The following PCSK5 variants were observed in gnomAD, a reference collection of about 807,000 sequenced individuals.
PCSK5 encodes the protein prohormone convertase 5.
PCSK5 carries 129 observed loss-of-function variants against 233.2 expected under a neutral mutation model. The ratio of observed to expected loss-of-function variants is 0.55; its 90% CI spans 0.48 to 0.64. The LOEUF (loss-of-function observed/expected upper bound fraction) is 0.64. Among genes scored for constraint, PCSK5 ranks in the 30% least tolerant of loss-of-function variants. The probability of loss-of-function intolerance (pLI) is 0.00; values close to 1 mark genes in which losing one functional copy is unlikely to be tolerated. For synonymous variants in PCSK5, 825 were observed against 879.2 expected, an observed-to-expected ratio of 0.94 and a Z score of 1.09; for missense variants, 2,076 against 2,430.1, an observed-to-expected ratio of 0.85 and a Z score of 3.06.
chr9:76,105,140 T>C lies in PCSK5; in HGVS notation c.1108-2111T>C, dbSNP rs115273260. 5.0e-3 allele frequency among the ~76,000 whole-genome samples: 766 copies of C among 152,288 alleles called. 4 individuals carry two copies. The highest frequency in any genetic ancestry group is 0.017 in the African/African-American group (723 of 41,574). On this transcript the variant is annotated intron_variant, in intron 8 of 37. Transcript: ENST00000674117. ...ATAGCTGAGAGGTAGAAGCAACCCA[T>C]GTGTCCATCAACAGATGAATGGATG... is the stretch of plus-strand genomic sequence containing the variant.
intron 5 of PCSK5, 87 bp from the exon 6 acceptor site, chr9:76,067,868 T>C (rs547657683): frequency 7.5e-5 from 78 of 1,036,248 alleles, no homozygotes; most frequent in Admixed American, 1.7e-4. Flanking sequence ...GGGTACATTC[T>C]TCACCACTCT....
At chr9:76,068,518 T>C (rs1714547796) in intron 6 of PCSK5, among the ~76,000 whole-genome samples, 1 of 152,208 alleles carries the variant, frequency 6.6e-6, no homozygotes, top group Non-Finnish European at 1.5e-5. Context: ...AAATGATATA[T>C]GGCAAAAATC....
chr9:76,134,040 C>A, intron 9 of PCSK5, 69 bp from the exon 10 acceptor site: 1 of 1,040,784 alleles, frequency 9.6e-7, no homozygotes, highest in Non-Finnish European at 1.4e-6. Context: ...TTTTAATTTG[C>A]TTGTGACTCT....
chr9:76,324,525 C>T (rs1319422752), intron 32 of PCSK5, among the ~76,000 whole-genome samples: 1 of 152,130 alleles, frequency 6.6e-6, no homozygotes, highest in East Asian at 1.9e-4. Flanking sequence ...GCCACCGCGC[C>T]CAGCCTCCCT....
At chr9:76,045,646 T>C (rs1349947846) in intron 5 of PCSK5, among the ~76,000 whole-genome samples, 1 of 152,246 alleles carries the variant, frequency 6.6e-6, no homozygotes, top group Non-Finnish European at 1.5e-5. Context: ...CAACAATGTC[T>C]CTTGACTAAT....
chr9:75,918,682 T>C lies in PCSK5; in HGVS notation c.193-13697T>C, dbSNP rs959447366. Among the ~76,000 whole-genome samples, 4 of 152,212 alleles carry C rather than the reference T, an allele frequency of 2.6e-5. No individual in the cohort carries two copies. The South Asian group carries it at 8.3e-4, about 32-fold the overall frequency. ...GTTGTGACGAAGATGGTCATGTTAGTGGAAAGCAGCACTTTACTAGAAATG... is the reference window on the plus strand; with the variant it reads ...GTTGTGACGAAGATGGTCATGTTAGCGGAAAGCAGCACTTTACTAGAAATG... On this transcript the variant is annotated intron_variant, in intron 1 of 37. Coordinates refer to ENST00000674117, the MANE Select transcript of PCSK5 (RefSeq NM_001372043.1).
chr9:76,276,039 A>T (rs1023733638), intron 24 of PCSK5, among the ~76,000 whole-genome samples: 7 of 152,096 alleles, frequency 4.6e-5, no homozygotes, highest in Non-Finnish European at 7.4e-5. Context: ...CTCTTCTCCC[A>T]TCCATCCAGG....
chr9:76,040,363 CTCTCTCTCTCTCTCTCTCTCTG>C lies in PCSK5; in HGVS notation c.632+13348_632+13369del, dbSNP rs1563988546. 4.1e-3 allele frequency among the ~76,000 whole-genome samples: 264 copies of C among 63,880 alleles called. 19 individuals are homozygous for C. Among genetic ancestry groups the C allele is most frequent in the South Asian group, 0.015 (19 of 1,260 alleles). 41.9% of individuals were successfully genotyped at this position (63,880 alleles called of 152,430 possible). A position where few individuals can be genotyped will look rare whatever the true frequency, so the allele number is the denominator to read the frequency against. ...TCTCTCTCTCTCTCTCTCTCTCTCT[CTCTCTCTCTCTCTCTCTCTCTG>C]TCTCTCTCTCTCTCTCTCTCTCTCT... On this transcript the variant is annotated intron_variant, in intron 5 of 37. Transcript: ENST00000674117.
At chr9:76,220,591 C>G (rs960474004) in intron 20 of PCSK5, among the ~76,000 whole-genome samples, 5 of 150,830 alleles carry the variant, frequency 3.3e-5, no homozygotes, top group African/African-American at 1.2e-4. Flanking sequence ...CAAACCCCAC[C>G]CTTTGGGTCT....
Position 76,354,142 on chromosome 9 carries a change from A to T in PCSK5, c.5177A>T (p.Asp1726Val). The T allele has an allele frequency of 6.3e-7, 1 of 1,597,614 alleles. No homozygotes were observed. The highest frequency in any genetic ancestry group is 8.5e-7 in the Non-Finnish European group (1 of 1,173,156). Residue 1726 changes from aspartate to valine, a missense_variant, in exon 37 of 38, where the codon GAC becomes GTC. By Grantham distance (152) the Asp-to-Val change is radical. Coordinates refer to ENST00000674117, the MANE Select transcript of PCSK5 (RefSeq NM_001372043.1). ...GCCAACCTGGTGCTGCACATGGACG[A>T]CAGCCACTGCCTCCACTGCTGCAAC... ...CPANLVLHMD[D>V]SHCLHCCNTS...
chr9:76,081,192 G>A (rs1051272153), intron 7 of PCSK5, among the ~76,000 whole-genome samples: 3 of 152,070 alleles, frequency 2.0e-5, no homozygotes, highest in Non-Finnish European at 2.9e-5. Context: ...GGTGGCTCTC[G>A]CCTGTAATCC....
intron 3 of PCSK5, among the ~76,000 whole-genome samples, chr9:75,988,946 T>A (rs1247354287): frequency 1.3e-5 from 2 of 152,196 alleles, no homozygotes; most frequent in Non-Finnish European, 2.9e-5. Context: ...GCCTCTAATC[T>A]ATCCAAAGAG....
intron 4 of PCSK5, among the ~76,000 whole-genome samples, chr9:76,024,755 G>A (rs1004760071): frequency 1.3e-5 from 2 of 152,150 alleles, no homozygotes; most frequent in African/African-American, 4.8e-5. Flanking sequence ...AGCATGATTG[G>A]TGCCCTCTCG....
At chr9:76,148,550 A>C (rs1373806233) in intron 10 of PCSK5, among the ~76,000 whole-genome samples, 1 of 152,134 alleles carries the variant, frequency 6.6e-6, no homozygotes, top group East Asian at 1.9e-4. Context: ...TGTCATTTAC[A>C]GCTAAGAACT....
At chr9:75,946,165 A>G (rs1824557075) in intron 2 of PCSK5, among the ~76,000 whole-genome samples, 3 of 152,342 alleles carry the variant, frequency 2.0e-5, no homozygotes, top group South Asian at 4.1e-4. Flanking sequence ...GATAGAGGCA[A>G]TAATAAAGTT....
At chr9:76,307,442 A>G (rs1324379448) in intron 28 of PCSK5, among the ~76,000 whole-genome samples, 1 of 152,120 alleles carries the variant, frequency 6.6e-6, no homozygotes, top group Non-Finnish European at 1.5e-5. Context: ...AGCCATGCTG[A>G]TTTCTGAGCA....
At chr9:76,088,930 ATTT>A (rs5898449) in intron 7 of PCSK5, among the ~76,000 whole-genome samples, 2,965 of 140,120 alleles carry the variant, frequency 0.021, 86 homozygotes, top group African/African-American at 0.068. Flanking sequence ...AGGTTTTTTA[ATTT>A]TTTTTTTTTT....
intron 6 of PCSK5, among the ~76,000 whole-genome samples, chr9:76,068,478 C>T (rs1830366910): frequency 6.6e-6 from 1 of 151,894 alleles, no homozygotes; most frequent in Non-Finnish European, 1.5e-5. Context: ...TTGGCTTAGG[C>T]TTTTAAAAAG....
intron 20 of PCSK5, among the ~76,000 whole-genome samples, chr9:76,214,426 A>G (rs60632800): frequency 0.038 from 5,779 of 152,142 alleles, 168 homozygotes; most frequent in South Asian, 0.13. Flanking sequence ...CTTTCTTGAA[A>G]AAGGGTATGT....
Sources: gnomAD v4.1 joint callset for allele counts (sites outside exome capture counted in the v4.1 genomes callset) on GRCh38, gnomAD v4.1.1 for gene constraint, MANE v1.5 for transcripts, NCBI Gene and HGNC (gene_info 2026-07-23, HGNC 2026-07-21) for gene names.